Variants in ABLIM1 observed in about 807,000 individuals in gnomAD.
ABLIM1 encodes actin binding LIM protein 1.
A neutral mutation model predicts 107.0 loss-of-function variants in ABLIM1; 40 were observed. That is an observed-to-expected ratio of 0.37 (90% CI 0.29 to 0.49). The LOEUF is 0.49. ABLIM1 is among the 20% of genes least tolerant of loss of function. The probability of loss-of-function intolerance (pLI) is 0.97; values close to 1 mark genes in which losing one functional copy is unlikely to be tolerated. For missense variants in ABLIM1, 857 were observed against 1,008.5 expected, an observed-to-expected ratio of 0.85 and a Z score of 2.04; for synonymous variants, 357 against 357.3, an observed-to-expected ratio of 1.00 and a Z score of 0.01.
the ABLIM1 span, among the ~76,000 whole-genome samples, chr10:114,777,039 G>C: frequency 1.3e-5 from 2 of 151,840 alleles, no homozygotes; most frequent in African/African-American, 4.8e-5. Context: ...TTTCTGCCCC[G>C]TTCTCTATCC....
the ABLIM1 span, among the ~76,000 whole-genome samples, chr10:114,794,170 C>T: frequency 7.2e-5 from 11 of 152,166 alleles, no homozygotes; most frequent in South Asian, 2.1e-4. Flanking sequence ...TCTTCCTCTC[C>T]GGAATATTTC....
the ABLIM1 span, among the ~76,000 whole-genome samples, chr10:114,783,316 AT>A: frequency 1.3e-5 from 2 of 151,924 alleles, no homozygotes; most frequent in South Asian, 2.1e-4. Context: ...ACTAAAAAAA[AT>A]AAAAGAGAGA....
chr10:114,559,459 A>G (rs995988947), intron 4 of ABLIM1, among the ~76,000 whole-genome samples: 7 of 142,182 alleles, frequency 4.9e-5, no homozygotes, highest in East Asian at 2.1e-4. Context: ...AAAAAAAAAA[A>G]AAAGAAAGAA....
Position 114,752,355 on chromosome 10 carries a change from ATG to A in ABLIM1, c.-213+15704_-213+15705del, listed in dbSNP as rs371174626. ...TAGAACGTACTGTCCCCTGTTGAGT[ATG>A]TGCCATTTTGATTATTTTTAAGTAG... On this transcript the variant is annotated intron_variant, in intron 1 of 15. Transcript: ENST00000651092. Among the ~76,000 whole-genome samples, 693 of 152,304 alleles carry A rather than the reference ATG, an allele frequency of 4.6e-3. 8 individuals are homozygous for A. Among genetic ancestry groups the A allele is most frequent in the African/African-American group, 0.016 (648 of 41,570 alleles).
intron 1 of ABLIM1, among the ~76,000 whole-genome samples, chr10:114,763,234 C>CTA (rs2082792760): frequency 6.6e-6 from 1 of 152,004 alleles, no homozygotes; most frequent in Non-Finnish European, 1.5e-5. Context: ...GCACTGTTTG[C>CTA]CATTAATTCT....
chr10:114,483,757 T>G (rs2057750384), intron 8 of ABLIM1, among the ~76,000 whole-genome samples: 1 of 152,248 alleles, frequency 6.6e-6, no homozygotes, highest in South Asian at 2.1e-4. Context: ...GCACAGAATG[T>G]ACAGGCACAC....
At chr10:114,461,363 T>C (rs2063851934) in intron 12 of ABLIM1, among the ~76,000 whole-genome samples, 1 of 150,544 alleles carries the variant, frequency 6.6e-6, no homozygotes, top group African/African-American at 2.4e-5. Context: ...GCTGTTATAT[T>C]AAAGTCTCTT....
chr10:114,666,489 G>A (rs1249997823), intron 1 of ABLIM1, among the ~76,000 whole-genome samples: 2 of 151,986 alleles, frequency 1.3e-5, no homozygotes, highest in African/African-American at 2.4e-5. Context: ...ATTTTTACTC[G>A]ACGATAGATG....
At chr10:114,780,202 A>T in the ABLIM1 span, among the ~76,000 whole-genome samples, 6 of 152,216 alleles carry the variant, frequency 3.9e-5, no homozygotes, top group Non-Finnish European at 7.3e-5. Flanking sequence ...CAGAATAAAC[A>T]GTGTCCTTGA....
At chr10:114,757,352 T>C (rs2082652920) in intron 1 of ABLIM1, among the ~76,000 whole-genome samples, 1 of 152,228 alleles carries the variant, frequency 6.6e-6, no homozygotes, top group Admixed American at 6.5e-5. Flanking sequence ...CATTTCTCTA[T>C]GTCTCATTTT....
At chr10:114,467,021 T>C (rs1458746433) in intron 11 of ABLIM1, among the ~76,000 whole-genome samples, 3 of 152,108 alleles carry the variant, frequency 2.0e-5, no homozygotes, top group African/African-American at 7.2e-5. Context: ...TAGCTGAGCA[T>C]GGTGGTGTGC....
At chr10:114,685,965 G>C (rs532277231), upstream of ABLIM1, among the ~76,000 whole-genome samples, 23 of 152,284 alleles carry the variant, frequency 1.5e-4, no homozygotes, top group South Asian at 4.6e-3. Flanking sequence ...TTAAATGAGA[G>C]AAGAAACCAA....
At chr10:114,602,173 T>C (rs1244562236) in intron 1 of ABLIM1, among the ~76,000 whole-genome samples, 1 of 152,176 alleles carries the variant, frequency 6.6e-6, no homozygotes, top group Non-Finnish European at 1.5e-5. Flanking sequence ...ACACCAGGCG[T>C]GTTCCTCAAT....
chr10:114,764,543 T>A (rs2082836178), intron 1 of ABLIM1, among the ~76,000 whole-genome samples: 1 of 152,064 alleles, frequency 6.6e-6, no homozygotes, highest in Non-Finnish European at 1.5e-5. Flanking sequence ...GGTTTCACCA[T>A]GTTGGCCAGG....
At chr10:114,511,568 G>A (rs554251546) in intron 6 of ABLIM1, among the ~76,000 whole-genome samples, 22 of 151,840 alleles carry the variant, frequency 1.4e-4, no homozygotes, top group Non-Finnish European at 2.9e-5. Context: ...GTTTCATCAT[G>A]TTGGCCAGGC....
At chr10:114,440,808 A>C in intron 19 of ABLIM1, 2 of 676,830 alleles carry the variant, frequency 3.0e-6, no homozygotes, top group Non-Finnish European at 5.4e-6. Flanking sequence ...GCAATGAATA[A>C]ATTCTCACAA....
chr10:114,521,125 G>A (rs1466957551), intron 6 of ABLIM1, among the ~76,000 whole-genome samples: 1 of 152,216 alleles, frequency 6.6e-6, no homozygotes, highest in Non-Finnish European at 1.5e-5. Flanking sequence ...GAGAAGGGAG[G>A]AGGTGAGGTC....
Position 114,473,869 on chromosome 10 carries a change from A to G in ABLIM1, c.1119+10T>C, listed in dbSNP as rs1180095323. The G allele has an allele frequency of 1.9e-6, 3 of 1,598,816 alleles. No individual in the cohort carries two copies. The highest frequency in any genetic ancestry group is 2.6e-6 in the Non-Finnish European group (3 of 1,167,810). ...TCCCAGAAATGTCACTTCCAGAAGT[A>G]GATACTTACATAGATAGTATGACCT... is the stretch of plus-strand genomic sequence containing the variant. On this transcript the variant is annotated intron_variant, in intron 9 of 22. Transcript: ENST00000533213.
At chr10:114,520,484 C>T (rs2063561831) in intron 6 of ABLIM1, among the ~76,000 whole-genome samples, 1 of 151,920 alleles carries the variant, frequency 6.6e-6, no homozygotes, top group Non-Finnish European at 1.5e-5. Flanking sequence ...TAGGGGAAAT[C>T]AGTGCCATCG....
Sources: allele counts gnomAD v4.1 joint callset (sites outside exome capture counted in the v4.1 genomes callset), GRCh38; gene constraint gnomAD v4.1.1; transcripts MANE v1.5; gene names NCBI Gene and HGNC (gene_info 2026-07-23, HGNC 2026-07-21).